Variants in CACNA2D3 observed in about 807,000 individuals in gnomAD.
CACNA2D3 encodes calcium voltage-gated channel auxiliary subunit alpha2delta 3.
Under a neutral mutation model 160.6 loss-of-function variants are expected in CACNA2D3, and 60 were observed. The observed-to-expected ratio is 0.37, with a 90% CI of 0.30 to 0.46. The LOEUF (loss-of-function observed/expected upper bound fraction) is 0.46, where lower values mean the gene tolerates loss of function less well. Ranked by LOEUF, CACNA2D3 falls within the 20% of genes least tolerant of loss-of-function variation. The probability of loss-of-function intolerance (pLI) is 1.00; values close to 1 mark genes in which losing one functional copy is unlikely to be tolerated. For synonymous variants in CACNA2D3, 558 were observed against 492.9 expected, an observed-to-expected ratio of 1.13 and a Z score of -1.75; for missense variants, 1,205 against 1,365.0, an observed-to-expected ratio of 0.88 and a Z score of 1.85.
chr3:54,536,195 T>C (rs1701886737), intron 5 of CACNA2D3, among the ~76,000 whole-genome samples: 2 of 152,278 alleles, frequency 1.3e-5, no homozygotes, highest in East Asian at 1.9e-4. Flanking sequence ...GCCAGGCTGA[T>C]AGTGGCATGC....
intron 2 of CACNA2D3, among the ~76,000 whole-genome samples, chr3:54,164,512 A>G (rs1477390759): frequency 6.6e-6 from 1 of 152,106 alleles, no homozygotes. Context: ...GTTTCCTCTG[A>G]TATCTTACTT....
At chr3:55,018,420 A>C in intron 35 of CACNA2D3, 103 bp downstream of exon 35, 1 of 688,062 alleles carries the variant, frequency 1.5e-6, no homozygotes. Flanking sequence ...CACCAATAGA[A>C]AACATGGCTG....
At chr3:54,803,750 T>C (rs1330087119) in intron 13 of CACNA2D3, among the ~76,000 whole-genome samples, 1 of 152,024 alleles carries the variant, frequency 6.6e-6, no homozygotes, top group Non-Finnish European at 1.5e-5. Context: ...AGACACATAA[T>C]TGTCAGATTC....
intron 3 of CACNA2D3, among the ~76,000 whole-genome samples, chr3:54,341,649 C>CA: frequency 6.6e-6 from 1 of 152,264 alleles, no homozygotes; most frequent in Non-Finnish European, 1.5e-5. Context: ...GAGAGGTTGC[C>CA]AAGTGTCAGT....
rs576888030 is a variant in CACNA2D3, at chr3:54,262,460, T to C, written c.205-57982T>C. Among the ~76,000 whole-genome samples the C allele has an allele frequency of 3.9e-5, 6 of 152,290 alleles. No homozygotes were observed. The East Asian group carries it at 9.6e-4, about 24-fold the overall frequency. The stretch of plus-strand genomic sequence containing the variant: ...CATTTATTCCTCTGCATCACAAATA[T>C]CTATAATTTAAACATGCTGGTTAAA... On this transcript the variant is annotated intron_variant, in intron 2 of 37. Coordinates refer to ENST00000474759, the MANE Select transcript of CACNA2D3 (RefSeq NM_018398.3).
intron 11 of CACNA2D3, among the ~76,000 whole-genome samples, chr3:54,646,960 C>G (rs565355168): frequency 3.9e-4 from 60 of 152,264 alleles, no homozygotes; most frequent in African/African-American, 1.1e-3. Context: ...TGTGATGAAG[C>G]CTTTATGGCC....
chr3:55,066,593 C>T (rs1424336468), intron 35 of CACNA2D3, among the ~76,000 whole-genome samples: 16 of 152,168 alleles, frequency 1.1e-4, no homozygotes, highest in South Asian at 2.1e-4. Context: ...AGATAGTGTG[C>T]GGCAAATACT....
chr3:54,737,057 A>G (rs1177866402), intron 11 of CACNA2D3, among the ~76,000 whole-genome samples: 1 of 152,160 alleles, frequency 6.6e-6, no homozygotes, highest in African/African-American at 2.4e-5. Context: ...GATTATCCCC[A>G]CTTAGCTTAA....
At chr3:54,517,434 G>T (rs891594492) in intron 5 of CACNA2D3, among the ~76,000 whole-genome samples, 4 of 152,172 alleles carry the variant, frequency 2.6e-5, no homozygotes, top group African/African-American at 9.7e-5. Flanking sequence ...GAAACGATGT[G>T]TGTGATTGGT....
chr3:54,944,209 A>G (rs866922875), intron 27 of CACNA2D3, among the ~76,000 whole-genome samples: 7 of 151,974 alleles, frequency 4.6e-5, no homozygotes, highest in Middle Eastern at 3.4e-3. Context: ...CACTTCATTC[A>G]TTGTGCTGAG....
chr3:54,988,704 C>T (rs1169869095), intron 31 of CACNA2D3, among the ~76,000 whole-genome samples: 1 of 152,178 alleles, frequency 6.6e-6, no homozygotes, highest in Non-Finnish European at 1.5e-5. Flanking sequence ...GGAAATCAGA[C>T]TTTTAAGCTA....
chr3:54,243,808 A>G (rs2107411615), intron 2 of CACNA2D3, among the ~76,000 whole-genome samples: 1 of 152,298 alleles, frequency 6.6e-6, no homozygotes, highest in African/African-American at 2.4e-5. Flanking sequence ...CAGACAAGCC[A>G]CGGATCCCTC....
chr3:54,386,647 G>C (rs1014808880), intron 3 of CACNA2D3, 68 bp from the exon 4 acceptor site: 2 of 1,413,976 alleles, frequency 1.4e-6, no homozygotes, highest in South Asian at 1.3e-5. Context: ...TTGGTCAATG[G>C]AGAAATGGGG....
At chr3:54,828,038 A>ATTATCTTTG (rs2106739217) in intron 14 of CACNA2D3, among the ~76,000 whole-genome samples, 1 of 152,250 alleles carries the variant, frequency 6.6e-6, no homozygotes, top group East Asian at 1.9e-4. Context: ...AATAAAGATG[A>ATTATCTTTG]TTATCTTTGT....
chr3:54,380,360 C>T (rs1199459400), intron 3 of CACNA2D3, among the ~76,000 whole-genome samples: 3 of 152,226 alleles, frequency 2.0e-5, no homozygotes, highest in Non-Finnish European at 4.4e-5. Flanking sequence ...CAAGTTCAAG[C>T]CCTGCTGTGT....
intron 4 of CACNA2D3, among the ~76,000 whole-genome samples, chr3:54,479,964 GA>G (rs1461178656): frequency 4.6e-5 from 7 of 152,074 alleles, no homozygotes; most frequent in African/African-American, 1.7e-4. Context: ...AAATCCAGGA[GA>G]ATTTCTTCTC....
rs1354201507 is a variant in CACNA2D3, at chr3:54,488,132, CG to C, written c.382-15358del. On this transcript the variant is annotated intron_variant, in intron 4 of 37. Transcript: ENST00000474759. ...CTTTGTCTATTTGAAGATCCAAAGA[CG>C]GCCTGTGCATCTGGTTGAGTTAGAG... Among the ~76,000 whole-genome samples the C allele has an allele frequency of 3.9e-5, 6 of 152,044 alleles. No homozygotes were observed. The South Asian group carries it at 8.3e-4, about 21-fold the overall frequency.
chr3:54,532,849 T>C (rs2106643887), intron 5 of CACNA2D3, among the ~76,000 whole-genome samples: 1 of 152,356 alleles, frequency 6.6e-6, no homozygotes, highest in South Asian at 2.1e-4. Context: ...ATGATAACTC[T>C]ATTTTCAGTT....
Position 54,571,233 on chromosome 3 carries a change from T to C in CACNA2D3, c.888+1129T>C, listed in dbSNP as rs536682616. 1.7e-4 allele frequency among the ~76,000 whole-genome samples: 26 copies of C among 152,246 alleles called. 1 individual carries two copies. The South Asian group carries it at 5.2e-3, about 30-fold the overall frequency. Reference sequence around the variant, plus strand: ...TGGTGGAGGCCCGAGTTCTTATTTGTAGAGGAAGCCTTCACGTCCTAGGCT... The same window carrying C: ...TGGTGGAGGCCCGAGTTCTTATTTGCAGAGGAAGCCTTCACGTCCTAGGCT... On this transcript the variant is annotated intron_variant, in intron 8 of 37. Coordinates refer to ENST00000474759, the MANE Select transcript of CACNA2D3 (RefSeq NM_018398.3).
Sources: gnomAD v4.1 joint callset for allele counts (sites outside exome capture counted in the v4.1 genomes callset) on GRCh38, gnomAD v4.1.1 for gene constraint, MANE v1.5 for transcripts, NCBI Gene and HGNC (gene_info 2026-07-23, HGNC 2026-07-21) for gene names.